Variants in ANKS3 observed in about 807,000 individuals in gnomAD.
ANKS3 encodes ankyrin repeat and sterile alpha motif domain containing 3, also known as ankyrin repeat and SAM domain-containing protein 3.
ANKS3 carries 62 observed loss-of-function variants against 80.7 expected under a neutral mutation model. That is an observed-to-expected ratio of 0.77 (90% CI 0.63 to 0.95). The LOEUF is 0.95. Ranked by LOEUF, ANKS3 falls within the 40% of genes least tolerant of loss-of-function variation. ANKS3 has a pLI of 0.00. For synonymous variants in ANKS3, 489 were observed against 355.3 expected (o/e 1.38, Z -4.23); for missense variants, 1,150 against 883.6 (o/e 1.30, Z -3.82).
chr16:4,717,174 G>A (rs985290638), intron 6 of ANKS3, among the ~76,000 whole-genome samples: 2 of 152,020 alleles, frequency 1.3e-5, no homozygotes, highest in South Asian at 2.1e-4. Flanking sequence ...TCCAGGAGGT[G>A]GAAGTTGCAA....
chr16:4,728,070 G>C (rs776849695), intron 3 of ANKS3: 4 of 152,254 alleles, frequency 2.6e-5, no homozygotes, highest in Non-Finnish European at 5.9e-5. Flanking sequence ...TTTTGAGACA[G>C]AGTCTCGCTC....
Position 4,701,051 on chromosome 16 carries a change from A to G in ANKS3, c.1203T>C (p.Pro401=). ...CTTCCCTGTCAGTTGCAGCGCGGGG[A>G]GGCCACTGGCTGTCAGGATTCTTGG... ...MKTKNPDSQW[P]PRAATDREGF... Residue 401 remains proline, a synonymous_variant, in exon 11 of 18, where the codon CCT becomes CCC. Coordinates refer to ENST00000304283, the MANE Select transcript of ANKS3 (RefSeq NM_133450.4). 1.9e-6 allele frequency: 3 copies of G among 1,614,034 alleles called. No individual in the cohort carries two copies. The highest frequency in any genetic ancestry group is 2.5e-6 in the Non-Finnish European group (3 of 1,180,014).
At chr16:4,701,323 C>T (rs909359848) in intron 10 of ANKS3, 111 bp downstream of exon 10, 14 of 1,297,398 alleles carry the variant, frequency 1.1e-5, no homozygotes, top group African/African-American at 3.0e-5. Flanking sequence ...GTGCAGCACA[C>T]ACGTGCAGCA....
intron 8 of ANKS3, among the ~76,000 whole-genome samples, chr16:4,702,744 A>G (rs577306563): frequency 6.6e-6 from 1 of 152,188 alleles, no homozygotes; most frequent in South Asian, 2.1e-4. Flanking sequence ...AATTAACAAC[A>G]ATAATATGAA....
At chr16:4,723,194 A>G (rs1159065735) in intron 6 of ANKS3, among the ~76,000 whole-genome samples, 1 of 152,194 alleles carries the variant, frequency 6.6e-6, no homozygotes, top group Non-Finnish European at 1.5e-5. Flanking sequence ...CAAGTCACCC[A>G]CTTACAATGT....
At chr16:4,699,471 C>A in intron 11 of ANKS3, 1 of 419,378 alleles carries the variant, frequency 2.4e-6, no homozygotes, top group Non-Finnish European at 4.4e-6. Flanking sequence ...AGCTGCTGAT[C>A]TCGACAATGC....
chr16:4,697,880 G>A (rs919911247), intron 15 of ANKS3, 97 bp downstream of exon 15: 19 of 1,163,126 alleles, frequency 1.6e-5, no homozygotes, highest in South Asian at 4.9e-5. Context: ...AGTGGCTGCC[G>A]GCCGGAGAAC....
chr16:4,698,282 G>A, intron 14 of ANKS3, 145 bp downstream of exon 14: 1 of 1,248,200 alleles, frequency 8.0e-7, no homozygotes, highest in African/African-American at 1.5e-5. Flanking sequence ...AGGAAGGAAG[G>A]GCCTGATGAA....
chr16:4,734,136 C>G lies in ANKS3; in HGVS notation c.-269G>C. ...TGCAGGTGCCGGCAAGTGCTGGGGCCGGGCCGCCGCGGAACCCACCTGTGC... is the reference window on the plus strand; with the variant it reads ...TGCAGGTGCCGGCAAGTGCTGGGGCGGGGCCGCCGCGGAACCCACCTGTGC... On this transcript the variant is annotated 5_prime_UTR_variant, in exon 1 of 18. Coordinates refer to ENST00000304283, the MANE Select transcript of ANKS3 (RefSeq NM_133450.4). 1 of 625,134 alleles carries G rather than the reference C, an allele frequency of 1.6e-6. No individual in the cohort carries two copies. 38.7% of individuals were successfully genotyped at this position (625,134 alleles called of 1,614,324 possible). A position where few individuals can be genotyped will look rare whatever the true frequency, so the allele number is the denominator to read the frequency against.
rs768075790 is a variant in ANKS3, at chr16:4,730,073, G to A, written c.77C>T (p.Thr26Ile). The A allele has an allele frequency of 1.3e-6, 2 of 1,594,292 alleles. No homozygotes were observed. The highest frequency in any genetic ancestry group is 1.1e-5 in the South Asian group (1 of 88,656). The change falls in exon 3 of 18, where the codon ACA becomes ATA. Residue 26 changes from threonine (T) to isoleucine (I), a missense_variant. Physicochemically the swap from Thr to Ile is moderately conservative, Grantham distance 89 (BLOSUM62 -1). Coordinates refer to ENST00000304283, the MANE Select transcript of ANKS3 (RefSeq NM_133450.4). Reference protein sequence around the residue: ...RSLSMWHGLGTQVSGEELDVP... With the variant: ...RSLSMWHGLGIQVSGEELDVP... The stretch of plus-strand genomic sequence containing the variant: ...ATCCAGCTCCTCCCCGCTGACCTGT[G>A]TCCCGAGCCCGTGCCACATGGACAA...
intron 6 of ANKS3, among the ~76,000 whole-genome samples, chr16:4,719,432 G>A (rs890944139): frequency 1.3e-5 from 2 of 152,120 alleles, no homozygotes; most frequent in African/African-American, 4.8e-5. Context: ...ACAAGTAGAG[G>A]CTCTTTATGG....
At chr16:4,729,948 A>C in intron 3 of ANKS3, 32 bp downstream of exon 3, 1 of 1,450,108 alleles carries the variant, frequency 6.9e-7, no homozygotes. Context: ...CGCTGCTCAA[A>C]ATGTGAGAGG....
At position 4,701,076 on chromosome 16, in the gene ANKS3, G is replaced by A; in HGVS notation, c.1178C>T (p.Thr393Ile). The A allele has an allele frequency of 1.2e-6, 2 of 1,614,090 alleles. No homozygotes were observed. The highest frequency in any genetic ancestry group is 1.7e-6 in the Non-Finnish European group (2 of 1,180,036). The change falls in exon 11 of 18, where the codon ACC becomes ATC. Residue 393 changes from threonine to isoleucine, a missense_variant. Coordinates refer to ENST00000304283, the MANE Select transcript of ANKS3 (RefSeq NM_133450.4). ...AGGCCACTGGCTGTCAGGATTCTTGGTCTTCATGTAACTTTTAGCTTGTTT... is the reference window on the plus strand; with the variant it reads ...AGGCCACTGGCTGTCAGGATTCTTGATCTTCATGTAACTTTTAGCTTGTTT... ...ARKQAKSYMK[T>I]KNPDSQWPPR...
Position 4,705,222 on chromosome 16 carries a change from C to G in ANKS3, c.741G>C (p.Glu247Asp), listed in dbSNP as rs1019110541. Residue 247 changes from glutamate to aspartate, a missense_variant, in exon 8 of 18, where the codon GAG becomes GAC. By Grantham distance (45) the Glu-to-Asp change is conservative. Coordinates refer to ENST00000304283, the MANE Select transcript of ANKS3 (RefSeq NM_133450.4). ...EKYEDLSSSD[E>D]SCPAPQRQRP... ...TCTGTCTCTGAGGAGCAGGGCAGGACTCGTCAGAAGAGCTCAGATCTTCGT... is the reference window on the plus strand; with the variant it reads ...TCTGTCTCTGAGGAGCAGGGCAGGAGTCGTCAGAAGAGCTCAGATCTTCGT... The G allele has an allele frequency of 6.2e-7, 1 of 1,614,048 alleles. No homozygotes were observed. Among genetic ancestry groups the G allele is most frequent in the Non-Finnish European group, 8.5e-7 (1 of 1,180,042 alleles).
intron 2 of ANKS3, 120 bp from the exon 3 acceptor site, chr16:4,730,271 C>T: frequency 8.5e-6 from 8 of 938,060 alleles, no homozygotes; most frequent in Non-Finnish European, 1.2e-5. Flanking sequence ...GTGCAGTCAA[C>T]CCCGGGAGTA....
intron 8 of ANKS3, among the ~76,000 whole-genome samples, chr16:4,703,421 AT>A (rs3051126): frequency 0.44 from 58,187 of 131,438 alleles, 11,546 homozygotes; most frequent in East Asian, 0.6. Context: ...GGCCCCCCCA[AT>A]TTTTTTTTTT....
rs1056063741 is a variant in ANKS3, at chr16:4,698,576, C to T, written c.1575G>A (p.Thr525=). The T allele has an allele frequency of 5.7e-6, 9 of 1,575,852 alleles. No homozygotes were observed. Among genetic ancestry groups the T allele is most frequent in the African/African-American group, 4.0e-5 (3 of 74,414 alleles). ...CCTGCTCCTGACACACCTGGCCCCG[C>T]GTGGCCTCTACCTCCTCGCAGCGCT... ...LHKRCEEVEA[T]RGQVCQEQEL... Residue 525 remains threonine (T), a synonymous_variant, in exon 14 of 18, where the codon ACG becomes ACA. Coordinates refer to ENST00000304283, the MANE Select transcript of ANKS3 (RefSeq NM_133450.4).
chr16:4,724,752 G>A lies in ANKS3; in HGVS notation c.571C>T (p.His191Tyr). Residue 191 changes from histidine to tyrosine, a missense_variant and splice_region_variant, in exon 6 of 18, where the codon CAC (histidine) becomes TAC (tyrosine). Physicochemically the swap from His to Tyr is moderately conservative, Grantham distance 83. Coordinates refer to ENST00000304283, the MANE Select transcript of ANKS3 (RefSeq NM_133450.4). ...HEIIVQYFLN[H>Y]GVKVDARDHS... The stretch of plus-strand genomic sequence containing the variant: ...TGCTAATAATCAGGGTCACTTACGT[G>A]ATTCAGAAAATACTGCACGATTATC... 9 of 1,612,798 alleles carry A rather than the reference G, an allele frequency of 5.6e-6. No homozygotes were observed. Among genetic ancestry groups the A allele is most frequent in the African/African-American group, 1.3e-5 (1 of 75,004 alleles).
chr16:4,704,963 G>A (rs2080105468), intron 8 of ANKS3, 132 bp downstream of exon 8: 2 of 1,196,262 alleles, frequency 1.7e-6, no homozygotes, highest in Non-Finnish European at 2.3e-6. Context: ...CATGAAAGCT[G>A]GGCCACCTGT....
Sources: gnomAD v4.1 joint callset for allele counts (sites outside exome capture counted in the v4.1 genomes callset) on GRCh38, gnomAD v4.1.1 for gene constraint, MANE v1.5 for transcripts, NCBI Gene and HGNC (gene_info 2026-07-23, HGNC 2026-07-21) for gene names.